Variants in ARK2N observed in about 807,000 individuals in gnomAD.
The protein encoded by ARK2N is protein ARK2N.
chr18:46,257,767 T>C, the ARK2N span, among the ~76,000 whole-genome samples: 1 of 152,180 alleles, frequency 6.6e-6, no homozygotes, highest in Non-Finnish European at 1.5e-5. Context: ...CTGTATGTTA[T>C]GGAACCGTGT....
the ARK2N span, among the ~76,000 whole-genome samples, chr18:46,191,643 C>G: frequency 1.3e-5 from 2 of 152,108 alleles, no homozygotes; most frequent in African/African-American, 4.8e-5. Context: ...ACGGTTATTG[C>G]AATTGTTGAA....
chr18:46,220,902 A>G, the ARK2N span, among the ~76,000 whole-genome samples: 2 of 151,824 alleles, frequency 1.3e-5, no homozygotes. Context: ...CTGGGAGGCC[A>G]AGTCAGGTGG....
chr18:46,216,332 C>T, the ARK2N span: 4 of 1,614,036 alleles, frequency 2.5e-6, no homozygotes, highest in Admixed American at 1.7e-5. This position sits in a 1 kb window ranked among gnomAD's most constrained non-coding sequence, Gnocchi z 4.3. Flanking sequence ...GAAACTTCCA[C>T]TATGGCTGCC....
chr18:46,245,385 G>A, the ARK2N span, among the ~76,000 whole-genome samples: 1 of 151,864 alleles, frequency 6.6e-6, no homozygotes. Flanking sequence ...GTCCAATATG[G>A]TGAAACCCCA....
the ARK2N span, chr18:46,173,577 A>G: frequency 1.3e-5 from 2 of 152,276 alleles, no homozygotes; most frequent in Admixed American, 1.3e-4. Context: ...CTGCCCGAGA[A>G]GAGCTCAGCC....
At chr18:46,266,957 T>G in the ARK2N span, 1 of 151,362 alleles carries the variant, frequency 6.6e-6, no homozygotes, top group Non-Finnish European at 1.5e-5. Context: ...TAAACTATTT[T>G]AAGACAAAAT....
chr18:46,252,012 AC>A, the ARK2N span, among the ~76,000 whole-genome samples: 1 of 151,872 alleles, frequency 6.6e-6, no homozygotes, highest in Non-Finnish European at 1.5e-5. Flanking sequence ...GGCCAACGTG[AC>A]GAAACCCCAT....
chr18:46,202,802 T>TA, the ARK2N span, among the ~76,000 whole-genome samples: 2,060 of 145,400 alleles, frequency 0.014, 23 homozygotes, highest in Middle Eastern at 0.022. Context: ...AAATAAAAAT[T>TA]AAAAAAAAAA....
the ARK2N span, among the ~76,000 whole-genome samples, chr18:46,179,285 T>C: frequency 1.1e-4 from 17 of 152,190 alleles, no homozygotes; most frequent in South Asian, 3.5e-3. Flanking sequence ...TTTAGTTTGG[T>C]TTATTTATTT....
At chr18:46,254,884 C>T in the ARK2N span, among the ~76,000 whole-genome samples, 1 of 152,192 alleles carries the variant, frequency 6.6e-6, no homozygotes, top group Non-Finnish European at 1.5e-5. Context: ...CCCACCTCCC[C>T]TGCCGCACAT....
At chr18:46,228,655 G>A in the ARK2N span, 1 of 394,684 alleles carries the variant, frequency 2.5e-6, no homozygotes. Context: ...GTGCCATCTT[G>A]TCTCACTGTA....
At chr18:46,227,150 A>G in the ARK2N span, among the ~76,000 whole-genome samples, 1 of 152,212 alleles carries the variant, frequency 6.6e-6, no homozygotes, top group Non-Finnish European at 1.5e-5. Flanking sequence ...CACATTTATA[A>G]TAACATCAAT....
At chr18:46,216,746 A>G in the ARK2N span, 2 of 683,690 alleles carry the variant, frequency 2.9e-6, no homozygotes, top group South Asian at 4.2e-5. This position sits in a 1 kb window ranked among gnomAD's most constrained non-coding sequence, Gnocchi z 4.3. Flanking sequence ...GACATGGCCA[A>G]TTTATAAAAC....
At chr18:46,251,293 A>G in the ARK2N span, among the ~76,000 whole-genome samples, 94,936 of 152,064 alleles carry the variant, frequency 0.62, 31,803 homozygotes, top group Non-Finnish European at 0.75. Context: ...GGCCACAAGC[A>G]AGGTATTGGG....
chr18:46,205,617 G>T, the ARK2N span, among the ~76,000 whole-genome samples: 1 of 152,136 alleles, frequency 6.6e-6, no homozygotes, highest in Non-Finnish European at 1.5e-5. Flanking sequence ...GTTCACTGTG[G>T]TTTTTCCCTG....
chr18:46,236,019 C>A, the ARK2N span, among the ~76,000 whole-genome samples: 1 of 152,034 alleles, frequency 6.6e-6, no homozygotes, highest in South Asian at 2.1e-4. Context: ...ACAGATACTT[C>A]TATATTTTGG....
chr18:46,253,735 T>TG, the ARK2N span: 9 of 1,613,236 alleles, frequency 5.6e-6, no homozygotes, highest in Non-Finnish European at 7.6e-6. Flanking sequence ...TGACAAAACA[T>TG]CTGCTGGCAA....
At chr18:46,220,243 C>G in the ARK2N span, among the ~76,000 whole-genome samples, 16 of 152,124 alleles carry the variant, frequency 1.1e-4, no homozygotes, top group Admixed American at 2.0e-4. Flanking sequence ...ATTGAGGCTA[C>G]TGAGGACAGC....
the ARK2N span, among the ~76,000 whole-genome samples, chr18:46,224,995 G>GT: frequency 1.5e-4 from 23 of 152,356 alleles, no homozygotes; most frequent in African/African-American, 5.5e-4. Context: ...CTTGACAGGG[G>GT]TACTGTGTGA....
Sources: allele counts gnomAD v4.1 joint callset (sites outside exome capture counted in the v4.1 genomes callset), GRCh38; gene constraint gnomAD v4.1.1; non-coding constraint Gnocchi (gnomAD v3.1); transcripts MANE v1.5; gene names NCBI Gene and HGNC (gene_info 2026-07-23, HGNC 2026-07-21).